ROS1: variants seen among roughly 807,000 people sequenced by gnomAD.
ROS1 encodes ROS proto-oncogene 1, receptor tyrosine kinase.
In ROS1, 263 loss-of-function variants were observed where a neutral mutation model predicts 273.5. That is an observed-to-expected ratio of 0.96 (90% CI 0.87 to 1.06). The LOEUF (loss-of-function observed/expected upper bound fraction) is 1.06, where lower values mean the gene tolerates loss of function less well. Among genes scored for constraint, ROS1 ranks in the 50% least tolerant of loss-of-function variants. ROS1 has a pLI of 0.00. For synonymous variants in ROS1, 1,008 were observed against 954.1 expected (o/e 1.06, Z -1.04); for missense variants, 2,833 against 2,751.1 (o/e 1.03, Z -0.67).
At chr6:117,371,810 G>C (rs990192296) in intron 18 of ROS1, among the ~76,000 whole-genome samples, 1 of 152,082 alleles carries the variant, frequency 6.6e-6, no homozygotes, top group Non-Finnish European at 1.5e-5. Flanking sequence ...CCACTCCCCT[G>C]GTGGCCTGTA....
At chr6:117,342,152 T>C (rs982141725) in intron 29 of ROS1, among the ~76,000 whole-genome samples, 1 of 152,146 alleles carries the variant, frequency 6.6e-6, no homozygotes, top group African/African-American at 2.4e-5. Flanking sequence ...TGTTTCTTGG[T>C]CAAACAATAT....
chr6:117,388,544 A>C (rs1772783344), intron 13 of ROS1, among the ~76,000 whole-genome samples: 1 of 152,200 alleles, frequency 6.6e-6, no homozygotes, highest in Admixed American at 6.5e-5. Flanking sequence ...TCACAGGCCA[A>C]ACCTGGCCCA....
Position 117,321,406 on chromosome 6 carries a change from A to G in ROS1, c.5624-12T>C, listed in dbSNP as rs754859620. 4.0e-5 allele frequency: 63 copies of G among 1,578,528 alleles called. No individual in the cohort carries two copies. Among genetic ancestry groups the G allele is most frequent in the Non-Finnish European group, 5.3e-5 (62 of 1,165,666 alleles). On this transcript the variant is annotated splice_polypyrimidine_tract_variant and intron_variant, in intron 35 of 43. Coordinates refer to ENST00000368507, the MANE Select transcript of ROS1 (RefSeq NM_001378902.1). ...TCTTCTATGCCAGACTATAAAGGAA[A>G]AAATGACATAATTTACAAAATAAAA...
At position 117,317,250 on chromosome 6, in the gene ROS1, G is replaced by A. The variant is rs1278741519; in HGVS notation, c.6010C>T (p.Leu2004=). ...AGCAGACAAACTCCAAGCTGCTTCA[G>A]AATGTTGGGATGATTAAATTTGCTG... The part of the protein sequence containing the change: ...LMSKFNHPNI[L]KQLGVCLLNE... The change falls in exon 39 of 44, where the codon CTG becomes TTG. Residue 2004 remains leucine (L), a synonymous_variant. Coordinates refer to ENST00000368507, the MANE Select transcript of ROS1 (RefSeq NM_001378902.1). 6.2e-7 allele frequency: 1 copy of A among 1,612,052 alleles called. No individual in the cohort carries two copies.
At chr6:117,384,170 G>A (rs1049943493) in intron 16 of ROS1, among the ~76,000 whole-genome samples, 1 of 152,104 alleles carries the variant, frequency 6.6e-6, no homozygotes, top group Non-Finnish European at 1.5e-5. Context: ...CTATTTGAGG[G>A]AGTGTTTTCT....
At chr6:117,397,889 C>T (rs1773625180) in intron 7 of ROS1, among the ~76,000 whole-genome samples, 1 of 152,166 alleles carries the variant, frequency 6.6e-6, no homozygotes, top group South Asian at 2.1e-4. Context: ...TCTCCTCTTT[C>T]CATAGAAAGA....
chr6:117,422,307 A>C (rs1401205474), intron 1 of ROS1, among the ~76,000 whole-genome samples: 1 of 152,192 alleles, frequency 6.6e-6, no homozygotes, highest in East Asian at 1.9e-4. Context: ...CATCGCACTT[A>C]ACCAAAAGTC....
intron 39 of ROS1, among the ~76,000 whole-genome samples, chr6:117,315,885 A>G (rs1229345622): frequency 6.6e-6 from 1 of 152,138 alleles, no homozygotes; most frequent in Non-Finnish European, 1.5e-5. Flanking sequence ...ATTGTCTGAT[A>G]CTGTTAGCCA....
intron 18 of ROS1, among the ~76,000 whole-genome samples, chr6:117,372,639 G>C (rs13216390): frequency 6.6e-6 from 1 of 152,138 alleles, no homozygotes. Flanking sequence ...TTCGTGGTGA[G>C]TGTTACAGCT....
At chr6:117,408,826 A>G (rs1774647711) in intron 5 of ROS1, among the ~76,000 whole-genome samples, 1 of 152,176 alleles carries the variant, frequency 6.6e-6, no homozygotes, top group African/African-American at 2.4e-5. Context: ...AATGTCCAAC[A>G]ATGATAGACT....
intron 42 of ROS1, among the ~76,000 whole-genome samples, chr6:117,302,318 G>T (rs603127): frequency 0.61 from 93,441 of 151,976 alleles, 29,768 homozygotes; most frequent in African/African-American, 0.79. Flanking sequence ...CTGCCTTCCT[G>T]TCTAAGGTAG....
At chr6:117,339,081 T>C (rs1562287547) in intron 31 of ROS1, among the ~76,000 whole-genome samples, 1 of 152,192 alleles carries the variant, frequency 6.6e-6, no homozygotes, top group Non-Finnish European at 1.5e-5. Context: ...TCTTGTATTA[T>C]ATAGAATTTA....
chr6:117,398,540 A>C (rs532545272), intron 7 of ROS1, among the ~76,000 whole-genome samples: 1 of 152,122 alleles, frequency 6.6e-6, no homozygotes, highest in Non-Finnish European at 1.5e-5. Context: ...TTAGCCAGGC[A>C]TGGTGGCGCA....
chr6:117,378,762 A>C (rs1374477186), intron 18 of ROS1, among the ~76,000 whole-genome samples: 1 of 152,102 alleles, frequency 6.6e-6, no homozygotes, highest in Non-Finnish European at 1.5e-5. Context: ...CCTTCACTCC[A>C]TAATGTATAC....
chr6:117,326,615 T>C (rs1437567722), intron 33 of ROS1, among the ~76,000 whole-genome samples: 1 of 152,012 alleles, frequency 6.6e-6, no homozygotes, highest in Non-Finnish European at 1.5e-5. Context: ...ATGGAGCCAA[T>C]TAACTCAGCC....
intron 16 of ROS1, among the ~76,000 whole-genome samples, chr6:117,383,874 A>C (rs1379762434): frequency 6.6e-6 from 1 of 152,246 alleles, no homozygotes; most frequent in Non-Finnish European, 1.5e-5. Flanking sequence ...ATAAATGATG[A>C]CATCTCTCCT....
Position 117,409,604 on chromosome 6 carries a change from A to G in ROS1, c.294T>C (p.Gly98=), listed in dbSNP as rs777520555. 2.0e-4 allele frequency: 323 copies of G among 1,613,768 alleles called. No individual in the cohort carries two copies. The highest frequency in any genetic ancestry group is 2.6e-4 in the Non-Finnish European group (310 of 1,179,894). ...SCEVGCSSAE[G]AYEEEVLENA... ...TACCCAGTACTTCCTCTTCATATGC[A>G]CCTTCCGCGCTGCTACAGCCAACCT... Residue 98 remains glycine (G), a synonymous_variant, in exon 5 of 44, where the codon GGT becomes GGC. Coordinates refer to ENST00000368507, the MANE Select transcript of ROS1 (RefSeq NM_001378902.1).
In ROS1 at chr6:117,414,516, C is replaced by T. The variant is rs1181346584; in HGVS notation, c.255+3G>A. On this transcript the variant is annotated splice_donor_region_variant and intron_variant, in intron 4 of 43. Coordinates refer to ENST00000368507, the MANE Select transcript of ROS1 (RefSeq NM_001378902.1). Reference sequence around the variant, plus strand: ...TACATCTTTTTTGTGATTGCCAACTCACCTCACAAACGGTGGCATAAGTAT... The same window carrying T: ...TACATCTTTTTTGTGATTGCCAACTTACCTCACAAACGGTGGCATAAGTAT... The T allele has an allele frequency of 1.2e-5, 9 of 739,718 alleles. No individual in the cohort carries two copies. The Admixed American group carries it at 1.5e-4, about 13-fold the overall frequency. The allele number at this position is 739,718 out of a possible 1,614,324, so 45.8% of individuals were successfully genotyped here.
At chr6:117,346,391 CATAAA>C (rs1462464734) in intron 27 of ROS1, among the ~76,000 whole-genome samples, 2 of 151,586 alleles carry the variant, frequency 1.3e-5, no homozygotes, top group African/African-American at 4.9e-5. Flanking sequence ...AAACTAGCAA[CATAAA>C]ATAGACTCCA....
Sources: allele counts gnomAD v4.1 joint callset (sites outside exome capture counted in the v4.1 genomes callset), GRCh38; gene constraint gnomAD v4.1.1; transcripts MANE v1.5; gene names NCBI Gene and HGNC (gene_info 2026-07-23, HGNC 2026-07-21).